ARFGEF3: variants seen among roughly 807,000 people sequenced by gnomAD.
The protein encoded by ARFGEF3 is ARFGEF family member 3.
In ARFGEF3, 96 loss-of-function variants were observed where a neutral mutation model predicts 221.7. The observed-to-expected ratio is 0.43, with a 90% CI of 0.37 to 0.51. ARFGEF3 has a LOEUF of 0.51. Ranked by LOEUF, ARFGEF3 falls within the 20% of genes least tolerant of loss-of-function variation. ARFGEF3 has a pLI of 0.00. For synonymous variants in ARFGEF3, 1,145 were observed against 1,126.8 expected (o/e 1.02, Z -0.32); for missense variants, 2,410 against 2,789.9 (o/e 0.86, Z 3.07).
intron 26 of ARFGEF3, among the ~76,000 whole-genome samples, chr6:138,315,715 T>TG (rs202155794): frequency 0.012 from 1,800 of 151,338 alleles, 15 homozygotes; most frequent in Middle Eastern, 0.031. Context: ...TCAAGCGTGG[T>TG]GGGGGGGCGC....
At chr6:138,257,768 C>T (rs1368987693) in intron 10 of ARFGEF3, among the ~76,000 whole-genome samples, 1 of 152,154 alleles carries the variant, frequency 6.6e-6, no homozygotes, top group Non-Finnish European at 1.5e-5. Flanking sequence ...CTCTCTCTAC[C>T]ACACACTGGC....
chr6:138,287,054 A>G lies in ARFGEF3; in HGVS notation c.2786-20A>G, dbSNP rs1779310484. ...AGAGGATATACTCAGTCAAGAAGTCATTGTGTGTCTCCTCTGAAGGCGTTG... is the reference window on the plus strand; with the variant it reads ...AGAGGATATACTCAGTCAAGAAGTCGTTGTGTGTCTCCTCTGAAGGCGTTG... On this transcript the variant is annotated intron_variant, in intron 16 of 33. Coordinates refer to ENST00000251691, the MANE Select transcript of ARFGEF3 (RefSeq NM_020340.5). The G allele has an allele frequency of 6.4e-7, 1 of 1,562,906 alleles. No homozygotes were observed. Among genetic ancestry groups the G allele is most frequent in the African/African-American group, 1.4e-5 (1 of 73,576 alleles).
At chr6:138,259,506 C>CTG (rs1778747893) in intron 10 of ARFGEF3, among the ~76,000 whole-genome samples, 1 of 152,238 alleles carries the variant, frequency 6.6e-6, no homozygotes. Flanking sequence ...ACTGATCCCA[C>CTG]AACTCTCATT....
chr6:138,183,815 A>G (rs931071313), intron 2 of ARFGEF3, among the ~76,000 whole-genome samples: 25 of 152,180 alleles, frequency 1.6e-4, no homozygotes, highest in Non-Finnish European at 3.2e-4. Context: ...ACGGGAAGGT[A>G]GGGAGGTGCC....
intron 12 of ARFGEF3, among the ~76,000 whole-genome samples, chr6:138,270,922 G>A (rs1778992998): frequency 6.6e-6 from 1 of 152,166 alleles, no homozygotes; most frequent in Admixed American, 6.5e-5. Context: ...GCAGGATAAT[G>A]GCAGGAAGGG....
At chr6:138,194,876 C>T (rs1253099786) in intron 2 of ARFGEF3, among the ~76,000 whole-genome samples, 1 of 150,434 alleles carries the variant, frequency 6.6e-6, no homozygotes, top group Non-Finnish European at 1.5e-5. Flanking sequence ...GGAAGGATGA[C>T]ATTGAGGCCA....
intron 4 of ARFGEF3, among the ~76,000 whole-genome samples, chr6:138,222,558 A>C (rs1778000354): frequency 6.6e-6 from 1 of 152,188 alleles, no homozygotes; most frequent in South Asian, 2.1e-4. Context: ...TGCCACTGCC[A>C]TCTATTGGGT....
rs140250622 is a variant in ARFGEF3, at chr6:138,266,771, C to T, written c.2128+3160C>T. Among the ~76,000 whole-genome samples, 1,435 of 144,602 alleles carry T rather than the reference C, an allele frequency of 9.9e-3. 16 individuals are homozygous for T. The highest frequency in any genetic ancestry group is 0.035 in the African/African-American group (1,349 of 38,558). The allele number at this position is 144,602 out of a possible 152,430, so 94.9% of individuals were successfully genotyped here. ...GGCTGAGGCAGGAGAATGGTGTGAA[C>T]CCGGGAGGCAGAGCTTGTAGTGAGC... On this transcript the variant is annotated intron_variant, in intron 12 of 33. Transcript: ENST00000251691.
At position 138,341,493 on chromosome 6, in the gene ARFGEF3, G is replaced by A. The variant is rs1780429304; in HGVS notation, c.*5007G>A. On this transcript the variant is annotated 3_prime_UTR_variant, in exon 34 of 34. Coordinates refer to ENST00000251691, the MANE Select transcript of ARFGEF3 (RefSeq NM_020340.5). ...AGATGACAAAACTTCAATATGCTTGGGCACCACTTAGGTGACCCCAGGGAG... is the reference window on the plus strand; with the variant it reads ...AGATGACAAAACTTCAATATGCTTGAGCACCACTTAGGTGACCCCAGGGAG... 1.3e-5 allele frequency: 2 copies of A among 154,700 alleles called. No homozygotes were observed. Among genetic ancestry groups the A allele is most frequent in the South Asian group, 2.0e-4 (1 of 4,906 alleles). The allele number at this position is 154,700 out of a possible 1,614,324, so 9.6% of individuals were successfully genotyped here. A position where few individuals can be genotyped will look rare whatever the true frequency, so the allele number is the denominator to read the frequency against.
intron 2 of ARFGEF3, among the ~76,000 whole-genome samples, chr6:138,188,221 G>C (rs1777227597): frequency 6.6e-6 from 1 of 152,106 alleles, no homozygotes; most frequent in African/African-American, 2.4e-5. Context: ...AACCACTCCT[G>C]CTGCAAATGA....
chr6:138,278,522 C>CTCTA lies in ARFGEF3; in HGVS notation c.2201_2204dup (p.Thr736LeufsTer18), dbSNP rs1375899689. On this transcript the variant is annotated frameshift_variant, in exon 13 of 34. Transcript: ENST00000251691. LOFTEE classifies it high-confidence loss of function. Reference sequence around the variant, plus strand: ...CCAGATGCTGATGAACGCAGACAGCCTCTACACAGCTGCACACTGCGCCCT... The same window carrying CTCTA: ...CCAGATGCTGATGAACGCAGACAGCCTCTATCTACACAGCTGCACACTGCGCCCT... The CTCTA allele has an allele frequency of 6.2e-7, 1 of 1,613,824 alleles. No homozygotes were observed. Among genetic ancestry groups the CTCTA allele is most frequent in the Non-Finnish European group, 8.5e-7 (1 of 1,179,870 alleles).
intron 2 of ARFGEF3, among the ~76,000 whole-genome samples, chr6:138,203,733 C>A (rs1777577910): frequency 6.6e-6 from 1 of 152,184 alleles, no homozygotes; most frequent in Non-Finnish European, 1.5e-5. Context: ...CGCCTGCCTC[C>A]CAGGTTCAAT....
intron 19 of ARFGEF3, among the ~76,000 whole-genome samples, chr6:138,293,636 T>C (rs1779454243): frequency 6.6e-6 from 1 of 152,218 alleles, no homozygotes. Context: ...TTTGACATCA[T>C]TTATGAAATT....
intron 4 of ARFGEF3, chr6:138,218,372 C>A: frequency 6.5e-7 from 1 of 1,543,250 alleles, no homozygotes; most frequent in Non-Finnish European, 8.8e-7. Context: ...CCTCATATTT[C>A]TGGTTCCTTA....
rs372157321 is a variant in ARFGEF3 at position 138,233,613 on chromosome 6, G to A, written c.420+3761G>A. Among the ~76,000 whole-genome samples the A allele has an allele frequency of 2.0e-4, 31 of 152,148 alleles. No individual in the cohort carries two copies. In the South Asian group the frequency reaches 5.0e-3, roughly 24 times the overall value. ...AGGCTGGTCTCTAACTCCTGACCTC[G>A]TGATCCACCCGCCTCGGCCTCCCAA... On this transcript the variant is annotated intron_variant, in intron 5 of 33. Coordinates refer to ENST00000251691, the MANE Select transcript of ARFGEF3 (RefSeq NM_020340.5).
intron 22 of ARFGEF3, among the ~76,000 whole-genome samples, chr6:138,299,556 C>T (rs554191374): frequency 6.6e-6 from 1 of 152,168 alleles, no homozygotes; most frequent in Admixed American, 6.5e-5. Context: ...TTAAACATTT[C>T]TTTTAAATAC....
At chr6:138,261,381 G>T in intron 10 of ARFGEF3, 146 bp from the exon 11 acceptor site, 2 of 504,492 alleles carry the variant, frequency 4.0e-6, no homozygotes, top group Non-Finnish European at 3.5e-6. Context: ...GCTTTACTAA[G>T]ATTGGAAGTT....
At chr6:138,298,540 G>T in intron 21 of ARFGEF3, 66 bp from the exon 22 acceptor site, 2 of 1,341,722 alleles carry the variant, frequency 1.5e-6, no homozygotes, top group Non-Finnish European at 2.1e-6. Flanking sequence ...GGGTAGGAAA[G>T]CCTTCAGAAA....
intron 26 of ARFGEF3, among the ~76,000 whole-genome samples, chr6:138,314,223 G>A (rs1323857169): frequency 6.6e-6 from 1 of 152,090 alleles, no homozygotes; most frequent in African/African-American, 2.4e-5. Flanking sequence ...GTGGGGAGAG[G>A]CAGGGGGACC....
Sources: allele counts gnomAD v4.1 joint callset (sites outside exome capture counted in the v4.1 genomes callset), GRCh38; gene constraint gnomAD v4.1.1; transcripts MANE v1.5; gene names NCBI Gene and HGNC (gene_info 2026-07-23, HGNC 2026-07-21).